HNRNPH1: variants seen among roughly 807,000 people sequenced by gnomAD.
HNRNPH1 encodes the protein heterogeneous nuclear ribonucleoprotein H.
A neutral mutation model predicts 58.6 loss-of-function variants in HNRNPH1; 4 were observed. The observed-to-expected ratio is 0.07, with a 90% confidence interval of 0.03 to 0.16. The LOEUF is 0.16. Ranked by LOEUF, HNRNPH1 falls within the 10% of genes least tolerant of loss-of-function variation. The pLI is 1.00. For missense variants in HNRNPH1, 271 were observed against 564.2 expected, an observed-to-expected ratio of 0.48 and a Z score of 5.26; for synonymous variants, 192 against 189.2, an observed-to-expected ratio of 1.01 and a Z score of -0.12.
chr5:179,618,413 C>G (rs1283100365), intron 4 of HNRNPH1, 90 bp from the exon 6 acceptor site: 3 of 865,864 alleles, frequency 3.5e-6, no homozygotes, highest in Non-Finnish European at 5.3e-6. Context: ...AGAAAACAAT[C>G]TAGTCATAGC....
intron 3 of HNRNPH1, chr5:179,620,150 T>C (rs1199325889): frequency 6.6e-6 from 1 of 152,252 alleles, no homozygotes; most frequent in Non-Finnish European, 1.5e-5. Flanking sequence ...TAGGACTCGA[T>C]ACATATATCA....
At chr5:179,616,171 C>T (rs752540358) in exon 11 of HNRNPH1, 1 of 1,614,056 alleles carries the variant, frequency 6.2e-7, no homozygotes, top group African/African-American at 1.3e-5. Flanking sequence ...CCTCCGTAAC[C>T]CCCACTCAGC....
At chr5:179,614,869 G>T in exon 13 of HNRNPH1, 1 of 1,542,932 alleles carries the variant, frequency 6.5e-7, no homozygotes, top group Non-Finnish European at 8.8e-7. Context: ...ACTCATACTG[G>T]ACATGCTAGA....
intron 1 of HNRNPH1, chr5:179,634,376 A>C (rs529383747): frequency 1.6e-5 from 1 of 62,908 alleles, no homozygotes; most frequent in South Asian, 6.2e-4. Flanking sequence ...GATCAAAATA[A>C]TACACGCCTC....
chr5:179,617,201 T>C, intron 8 of HNRNPH1, 91 bp from the exon 10 acceptor site: 1 of 1,262,644 alleles, frequency 7.9e-7, no homozygotes, highest in Non-Finnish European at 1.1e-6. Context: ...AGCAGATCTG[T>C]GAACTTCAAA....
chr5:179,623,527 C>G (rs539933982), exon 1 of HNRNPH1: 1 of 174,862 alleles, frequency 5.7e-6, no homozygotes, highest in African/African-American at 2.4e-5. Context: ...CAGCCTGCAG[C>G]TCGCCAAGGT....
At chr5:179,616,488 T>A (rs1769748824) in intron 10 of HNRNPH1, 4 of 532,338 alleles carry the variant, frequency 7.5e-6, no homozygotes, top group African/African-American at 3.8e-5. Flanking sequence ...TTTGTGAAGA[T>A]CTTATGAAAC....
At chr5:179,616,369 G>C (rs1769664873) in intron 10 of HNRNPH1, 151 bp from the exon 12 acceptor site, 1 of 660,624 alleles carries the variant, frequency 1.5e-6, no homozygotes, top group Non-Finnish European at 2.7e-6. Context: ...CTATAACCAG[G>C]CCACCCTTCT....
At chr5:179,618,392 T>G in intron 4 of HNRNPH1, 69 bp from the exon 6 acceptor site, 1 of 1,072,762 alleles carries the variant, frequency 9.3e-7, no homozygotes, top group Non-Finnish European at 1.4e-6. Context: ...ATACAGGTAT[T>G]TAGTTATACA....
chr5:179,624,533 C>G (rs1433324385), exon 1 of HNRNPH1: 2 of 398,692 alleles, frequency 5.0e-6, no homozygotes, highest in Non-Finnish European at 8.8e-6. Context: ...GGTAGGTTAC[C>G]GCTGCATCTC....
chr5:179,617,771 T>C (rs188998161), intron 7 of HNRNPH1, 28 bp downstream of exon 8: 147 of 1,612,692 alleles, frequency 9.1e-5, no homozygotes, highest in African/African-American at 4.0e-4. Context: ...TACTGAAATA[T>C]TGACTTGTGA....
intron 2 of HNRNPH1, among the ~76,000 whole-genome samples, chr5:179,632,000 C>A (rs1006113592): frequency 3.3e-5 from 5 of 152,128 alleles, no homozygotes; most frequent in African/African-American, 1.2e-4. Context: ...CTGCAAGCTG[C>A]GGAGACTTAA....
At chr5:179,630,784 G>A (rs1457685106) in intron 2 of HNRNPH1, among the ~76,000 whole-genome samples, 4 of 151,812 alleles carry the variant, frequency 2.6e-5, no homozygotes, top group Non-Finnish European at 4.4e-5. Context: ...GGTGACGGGC[G>A]CCTGTAGTCC....
chr5:179,617,949 G>GT lies in HNRNPH1; in HGVS notation c.788-18dup, dbSNP rs747949329. 1 of 1,613,930 alleles carries GT rather than the reference G, an allele frequency of 6.2e-7. No individual in the cohort carries two copies. The highest frequency in any genetic ancestry group is 1.1e-5 in the South Asian group (1 of 91,080). On this transcript the variant is annotated splice_polypyrimidine_tract_variant and intron_variant, in intron 6 of 12. Coordinates refer to ENST00000356731, the Ensembl canonical transcript of HNRNPH1. ...AATTGAGGTCTAGATGGACAAGAGT[G>GT]TAAGCATCCTTCAACTGAGAAATTC...
chr5:179,631,655 G>A (rs1774838328), intron 2 of HNRNPH1, among the ~76,000 whole-genome samples: 1 of 152,078 alleles, frequency 6.6e-6, no homozygotes, highest in Non-Finnish European at 1.5e-5. Flanking sequence ...GCTGAGGCAG[G>A]AGAATTGTTT....
At chr5:179,626,102 TTTTTTGTTTGGTTTTG>T (rs1166612977), upstream of HNRNPH1, among the ~76,000 whole-genome samples, 14 of 150,440 alleles carry the variant, frequency 9.3e-5, no homozygotes, top group Non-Finnish European at 1.6e-4. Context: ...AATGAAAGGT[TTTTTTGTTTGGTTTTG>T]TTTTTGAGAC....
At chr5:179,618,920 T>G (rs1245444232) in intron 4 of HNRNPH1, 1 of 165,980 alleles carries the variant, frequency 6.0e-6, no homozygotes, top group African/African-American at 2.4e-5. Context: ...AAAAACAAGA[T>G]CAGAAAGTAT....
chr5:179,617,411 G>T, intron 8 of HNRNPH1, 103 bp downstream of exon 9: 1 of 1,319,582 alleles, frequency 7.6e-7, no homozygotes, highest in Non-Finnish European at 1.1e-6. Context: ...ATCTATTACT[G>T]GAGAGGAAAC....
chr5:179,623,134 C>A, exon 1 of HNRNPH1: 4 of 1,602,260 alleles, frequency 2.5e-6, no homozygotes, highest in Non-Finnish European at 2.6e-6. Context: ...CCAACATCAT[C>A]GTCTCTTACG....
Sources: gnomAD v4.1 joint callset for allele counts (sites outside exome capture counted in the v4.1 genomes callset) on GRCh38, gnomAD v4.1.1 for gene constraint, MANE v1.5 for transcripts, NCBI Gene and HGNC (gene_info 2026-07-23, HGNC 2026-07-21) for gene names.